EMC3: variants seen among roughly 807,000 people sequenced by gnomAD.
EMC3 encodes the protein 30 kDa protein.
In EMC3, 13 loss-of-function variants were observed where a neutral mutation model predicts 36.6. The observed-to-expected ratio is 0.35, with a 90% CI of 0.23 to 0.56. The LOEUF (loss-of-function observed/expected upper bound fraction) is 0.56. Ranked by LOEUF, EMC3 falls within the 20% of genes least tolerant of loss-of-function variation. The pLI is 0.84. For missense variants in EMC3, 220 were observed against 324.5 expected (o/e 0.68, Z 2.47); for synonymous variants, 120 against 111.9 (o/e 1.07, Z -0.46).
chr3:9,990,735 C>T (rs1428206369), upstream of EMC3, among the ~76,000 whole-genome samples: 2 of 151,248 alleles, frequency 1.3e-5, no homozygotes, highest in Admixed American at 6.6e-5. Context: ...GTCTCAAACT[C>T]CTGACTCAGG....
Position 9,986,493 on chromosome 3 carries a change from G to A in EMC3, c.155+14C>T. The A allele has an allele frequency of 1.2e-6, 2 of 1,613,030 alleles. No homozygotes were observed. Among genetic ancestry groups the A allele is most frequent in the South Asian group, 1.1e-5 (1 of 91,036 alleles). On this transcript the variant is annotated intron_variant, in intron 1 of 7. Coordinates refer to ENST00000245046, the MANE Select transcript of EMC3 (RefSeq NM_001394674.1). ...CGGCGGTGTGAGGTAGGCTGGAGAA[G>A]GGAGGGCGCTGACCTGTCAGATACT...
chr3:9,975,278 C>G (rs989803746), intron 3 of EMC3, among the ~76,000 whole-genome samples: 1 of 152,082 alleles, frequency 6.6e-6, no homozygotes, highest in Non-Finnish European at 1.5e-5. Context: ...ATGATGCTGC[C>G]GACAATTATC....
Position 9,963,921 on chromosome 3 carries a change from G to A in EMC3, c.*148C>T. The A allele has an allele frequency of 7.4e-7, 1 of 1,351,206 alleles. No individual in the cohort carries two copies. Among genetic ancestry groups the A allele is most frequent in the Non-Finnish European group, 1.0e-6 (1 of 991,052 alleles). The allele number at this position is 1,351,206 out of a possible 1,614,324, so 83.7% of individuals were successfully genotyped here. A position where few individuals can be genotyped will look rare whatever the true frequency, so the allele number is the denominator to read the frequency against. Reference sequence around the variant, plus strand: ...TTTCCTCTAGTTTCAAACATAAAGGGGAACCCAGCCCAGACAAGAACAAGC... The same window carrying A: ...TTTCCTCTAGTTTCAAACATAAAGGAGAACCCAGCCCAGACAAGAACAAGC... On this transcript the variant is annotated 3_prime_UTR_variant, in exon 8 of 8. Transcript: ENST00000245046.
chr3:10,003,267 T>C (rs530686392), intron 1 of EMC3: 61 of 454,730 alleles, frequency 1.3e-4, no homozygotes, highest in Admixed American at 4.0e-4. Flanking sequence ...AGGCTTTGAC[T>C]TCAGCCTTGC....
chr3:9,997,272 G>A (rs1211611347), intron 1 of EMC3, among the ~76,000 whole-genome samples: 10 of 148,970 alleles, frequency 6.7e-5, no homozygotes, highest in African/African-American at 2.2e-4. Flanking sequence ...GGGTTTCACC[G>A]TGTTAGCCAG....
chr3:9,981,932 A>C (rs751117113), intron 1 of EMC3, among the ~76,000 whole-genome samples: 29 of 150,098 alleles, frequency 1.9e-4, no homozygotes, highest in Non-Finnish European at 1.3e-4. Context: ...GCTTTGGTTT[A>C]ATACCTGTTA....
chr3:10,010,924 T>A (rs2086316904), intron 1 of EMC3: 1 of 152,382 alleles, frequency 6.6e-6, no homozygotes, highest in South Asian at 2.1e-4. Flanking sequence ...GGGCGGCACT[T>A]AACGAAGGAC....
upstream of EMC3, chr3:9,987,997 G>C: frequency 3.3e-6 from 3 of 907,034 alleles, no homozygotes; most frequent in Non-Finnish European, 5.4e-6. Flanking sequence ...AAAAAGTAAA[G>C]GACAAGCAAG....
upstream of EMC3, among the ~76,000 whole-genome samples, chr3:9,989,101 C>G (rs2086014378): frequency 6.6e-6 from 1 of 152,222 alleles, no homozygotes; most frequent in African/African-American, 2.4e-5. Flanking sequence ...AATTGCCCTT[C>G]CTTCCACCCA....
chr3:9,978,537 T>C (rs1252144210), intron 1 of EMC3, among the ~76,000 whole-genome samples: 1 of 151,830 alleles, frequency 6.6e-6, no homozygotes, highest in Non-Finnish European at 1.5e-5. Context: ...TAGTAAAACC[T>C]GTGCTTGGTA....
chr3:9,987,280 A>G, upstream of EMC3: 3 of 984,776 alleles, frequency 3.0e-6, no homozygotes, highest in Non-Finnish European at 3.6e-6. Flanking sequence ...TAAATGGAGC[A>G]GTGGTCGTAG....
chr3:9,972,359 GCCC>G (rs1160768829), intron 5 of EMC3, among the ~76,000 whole-genome samples: 2 of 150,618 alleles, frequency 1.3e-5, no homozygotes, highest in African/African-American at 4.9e-5. Context: ...GCATTCTTAA[GCCC>G]CCAATTGTGA....
intron 3 of EMC3, among the ~76,000 whole-genome samples, chr3:9,975,273 G>A (rs573090296): frequency 1.3e-5 from 2 of 152,272 alleles, no homozygotes; most frequent in East Asian, 1.9e-4. Flanking sequence ...GATAAATGAT[G>A]CTGCCGACAA....
intron 1 of EMC3, among the ~76,000 whole-genome samples, chr3:10,005,946 G>A (rs1200584141): frequency 2.0e-5 from 3 of 152,138 alleles, no homozygotes; most frequent in Admixed American, 1.3e-4. Context: ...TCACTGATGC[G>A]GGCTCATAGG....
chr3:9,974,868 T>TG (rs1387184580), intron 3 of EMC3, among the ~76,000 whole-genome samples: 1 of 140,630 alleles, frequency 7.1e-6, no homozygotes, highest in Non-Finnish European at 1.5e-5. Flanking sequence ...TTTTTTTTTT[T>TG]TTTTTTTTTT....
At chr3:9,986,927 G>C (rs1204594800), upstream of EMC3, 10 of 1,254,154 alleles carry the variant, frequency 8.0e-6, no homozygotes, top group Non-Finnish European at 1.0e-5. Flanking sequence ...GAAAACTATC[G>C]GCGGTGGCCC....
chr3:10,008,287 T>A, intron 1 of EMC3: 1 of 749,228 alleles, frequency 1.3e-6, no homozygotes, highest in Non-Finnish European at 2.0e-6. Flanking sequence ...ACATCTCCTC[T>A]TCAGAAGCCA....
At chr3:9,968,044 C>T (rs2085749783) in intron 7 of EMC3, among the ~76,000 whole-genome samples, 2 of 152,198 alleles carry the variant, frequency 1.3e-5, no homozygotes, top group Non-Finnish European at 2.9e-5. Context: ...GCCTCAGCCT[C>T]CCGAGTAGCT....
intron 1 of EMC3, among the ~76,000 whole-genome samples, chr3:9,984,838 C>T (rs776076425): frequency 1.3e-5 from 2 of 152,210 alleles, no homozygotes; most frequent in Non-Finnish European, 2.9e-5. Context: ...TCCTAAATGT[C>T]ACCCTGTGTG....
Sources: allele counts gnomAD v4.1 joint callset (sites outside exome capture counted in the v4.1 genomes callset), GRCh38; gene constraint gnomAD v4.1.1; transcripts MANE v1.5; gene names NCBI Gene and HGNC (gene_info 2026-07-23, HGNC 2026-07-21).